ANKS1B: variants seen among roughly 807,000 people sequenced by gnomAD.
The protein encoded by ANKS1B is ankyrin repeat and sterile alpha motif domain-containing protein 1B.
Under a neutral mutation model 148.3 loss-of-function variants are expected in ANKS1B, and 36 were observed. The observed-to-expected ratio is 0.24, with a 90% CI of 0.19 to 0.32. ANKS1B has a LOEUF of 0.32. Ranked by LOEUF, ANKS1B falls within the 10% of genes least tolerant of loss-of-function variation. The pLI is 1.00. For missense variants in ANKS1B, 1,157 were observed against 1,542.6 expected (o/e 0.75, Z 4.19); for synonymous variants, 542 against 560.8 (o/e 0.97, Z 0.47).
rs1206210945 is a variant in ANKS1B at position 99,657,914 on chromosome 12, A to AG, written c.1129-2705_1129-2704insC. 2.7e-5 allele frequency among the ~76,000 whole-genome samples: 4 copies of AG among 150,522 alleles called. No individual in the cohort carries two copies. The East Asian group carries it at 7.7e-4, about 29-fold the overall frequency. ...TCCTCCCTCAAAAAAAAAAAAAAAA[A>AG]AAAAAAAAGCTTATCTCTCTTCCCT... On this transcript the variant is annotated intron_variant, in intron 8 of 26. Coordinates refer to ENST00000683438, the MANE Select transcript of ANKS1B (RefSeq NM_001352186.2).
intron 1 of ANKS1B, among the ~76,000 whole-genome samples, chr12:99,957,353 G>A (rs1400178470): frequency 1.3e-5 from 2 of 151,752 alleles, no homozygotes; most frequent in East Asian, 1.9e-4. Context: ...CCACCTTATC[G>A]GCAATTTACT....
At chr12:99,450,556 A>G (rs931264644) in intron 10 of ANKS1B, among the ~76,000 whole-genome samples, 1 of 152,208 alleles carries the variant, frequency 6.6e-6, no homozygotes, top group Non-Finnish European at 1.5e-5. Flanking sequence ...TTTAATACAT[A>G]GTATAAGACA....
intron 4 of ANKS1B, among the ~76,000 whole-genome samples, chr12:99,791,951 T>G (rs1430583449): frequency 2.0e-5 from 3 of 150,654 alleles, no homozygotes; most frequent in African/African-American, 7.3e-5. Flanking sequence ...AGACAACAGA[T>G]CAACAAAACA....
At chr12:99,134,936 A>G (rs993822100) in intron 15 of ANKS1B, among the ~76,000 whole-genome samples, 1 of 152,150 alleles carries the variant, frequency 6.6e-6, no homozygotes, top group Admixed American at 6.5e-5. Flanking sequence ...TGAACAGAAA[A>G]TCACAAACTA....
At chr12:98,881,717 A>G (rs2152515048) in intron 17 of ANKS1B, among the ~76,000 whole-genome samples, 1 of 152,252 alleles carries the variant, frequency 6.6e-6, no homozygotes, top group South Asian at 2.1e-4. Flanking sequence ...AATCGCAGCC[A>G]TTCTACCACA....
At chr12:99,668,415 T>C (rs2098519969) in intron 8 of ANKS1B, among the ~76,000 whole-genome samples, 1 of 152,070 alleles carries the variant, frequency 6.6e-6, no homozygotes, top group Non-Finnish European at 1.5e-5. Flanking sequence ...TCCTCTTTTA[T>C]CTCATTTTTT....
intron 8 of ANKS1B, among the ~76,000 whole-genome samples, chr12:99,770,923 A>C (rs1255837269): frequency 6.6e-6 from 1 of 152,200 alleles, no homozygotes; most frequent in Non-Finnish European, 1.5e-5. Flanking sequence ...GAGTGGTGTT[A>C]GAAAAGCATG....
At chr12:98,889,858 T>C (rs141559555) in intron 17 of ANKS1B, among the ~76,000 whole-genome samples, 2,802 of 152,316 alleles carry the variant, frequency 0.018, 72 homozygotes, top group Admixed American at 0.079. Flanking sequence ...GTTTTGTGAA[T>C]GCTTACCTGT....
chr12:99,321,061 T>C (rs112321515), intron 12 of ANKS1B, among the ~76,000 whole-genome samples: 16,346 of 152,208 alleles, frequency 0.11, 879 homozygotes, highest in Non-Finnish European at 0.13. Flanking sequence ...ATACTTCCTC[T>C]GGAAGCTTCA....
intron 9 of ANKS1B, among the ~76,000 whole-genome samples, chr12:99,650,293 A>ACTCT (rs748125334): frequency 6.8e-6 from 1 of 147,860 alleles, no homozygotes; most frequent in Non-Finnish European, 1.5e-5. Context: ...ACACACACAG[A>ACTCT]CTCTCTCTCT....
chr12:99,853,999 T>C (rs1308091385), intron 1 of ANKS1B, among the ~76,000 whole-genome samples: 2 of 152,134 alleles, frequency 1.3e-5, no homozygotes, highest in Non-Finnish European at 2.9e-5. Flanking sequence ...GACAAGTTTT[T>C]TGTTTGTTTG....
intron 25 of ANKS1B, among the ~76,000 whole-genome samples, chr12:98,772,320 G>A (rs1220513445): frequency 1.3e-5 from 2 of 152,166 alleles, no homozygotes; most frequent in Non-Finnish European, 2.9e-5. Flanking sequence ...TACAAGAAGA[G>A]GAAATTTGGA....
intron 12 of ANKS1B, among the ~76,000 whole-genome samples, chr12:99,383,949 G>A (rs572246478): frequency 6.6e-6 from 1 of 152,010 alleles, no homozygotes; most frequent in South Asian, 2.1e-4. Flanking sequence ...GGGGTTACTT[G>A]CGCCTGGAAG....
chr12:99,937,111 G>A (rs2094796779), intron 1 of ANKS1B, among the ~76,000 whole-genome samples: 1 of 152,080 alleles, frequency 6.6e-6, no homozygotes. Flanking sequence ...CTTCATGATG[G>A]CAAATTTCTG....
intron 8 of ANKS1B, among the ~76,000 whole-genome samples, chr12:99,675,616 A>T (rs117075321): frequency 0.014 from 2,193 of 152,032 alleles, 22 homozygotes; most frequent in Middle Eastern, 0.041. Flanking sequence ...TTATAATCAA[A>T]TATTACTGAT....
chr12:99,730,086 C>T (rs552114027), intron 8 of ANKS1B, among the ~76,000 whole-genome samples: 3 of 152,270 alleles, frequency 2.0e-5, no homozygotes, highest in African/African-American at 4.8e-5. Flanking sequence ...TGACCACGTC[C>T]AACTGTTAAG....
At chr12:99,772,455 T>C (rs1429507406) in intron 8 of ANKS1B, among the ~76,000 whole-genome samples, 2 of 152,128 alleles carry the variant, frequency 1.3e-5, no homozygotes, top group East Asian at 1.9e-4. Context: ...ATTTGCATAA[T>C]ATTATAAAAA....
chr12:99,256,317 A>G (rs1475264587), intron 12 of ANKS1B, among the ~76,000 whole-genome samples: 1 of 151,984 alleles, frequency 6.6e-6, no homozygotes, highest in Non-Finnish European at 1.5e-5. Flanking sequence ...CTTCCTTCCT[A>G]AACAATTTAA....
intron 12 of ANKS1B, among the ~76,000 whole-genome samples, chr12:99,287,962 AG>A (rs2079364876): frequency 6.6e-6 from 1 of 152,208 alleles, no homozygotes. Flanking sequence ...AATCTTTAAG[AG>A]GAGGTAAAGA....
Sources: allele counts gnomAD v4.1 joint callset (sites outside exome capture counted in the v4.1 genomes callset), GRCh38; gene constraint gnomAD v4.1.1; transcripts MANE v1.5; gene names NCBI Gene and HGNC (gene_info 2026-07-23, HGNC 2026-07-21).